GLIS1: variants seen among roughly 807,000 people sequenced by gnomAD.
GLIS1 encodes zinc finger protein GLIS1.
In GLIS1, 24 loss-of-function variants were observed where a neutral mutation model predicts 63.8. That is an observed-to-expected ratio of 0.38 (90% CI 0.27 to 0.53). GLIS1 has a LOEUF of 0.53. GLIS1 is among the 20% of genes least tolerant of loss of function. The probability of loss-of-function intolerance (pLI) is 0.85; values close to 1 mark genes in which losing one functional copy is unlikely to be tolerated. For missense variants in GLIS1, 1,036 were observed against 1,074.1 expected (o/e 0.96, Z 0.50); for synonymous variants, 450 against 482.5 (o/e 0.93, Z 0.88).
At chr1:53,657,341 G>T (rs965757983) in intron 2 of GLIS1, among the ~76,000 whole-genome samples, 2 of 152,220 alleles carry the variant, frequency 1.3e-5, no homozygotes, top group African/African-American at 2.4e-5. Flanking sequence ...CAAGTCTTCA[G>T]AGGACTCAGA....
At chr1:53,580,453 G>A (rs1645073829) in intron 4 of GLIS1, among the ~76,000 whole-genome samples, 1 of 152,166 alleles carries the variant, frequency 6.6e-6, no homozygotes, top group South Asian at 2.1e-4. Flanking sequence ...GGAGAGATAT[G>A]CTCCAAATCC....
intron 4 of GLIS1, among the ~76,000 whole-genome samples, chr1:53,552,951 G>A (rs554636513): frequency 6.6e-6 from 1 of 152,358 alleles, no homozygotes; most frequent in African/African-American, 2.4e-5. Context: ...CCAATGAGGA[G>A]ATGGAGTTAG....
intron 2 of GLIS1, among the ~76,000 whole-genome samples, chr1:53,691,076 C>G (rs889705990): frequency 2.0e-5 from 3 of 152,164 alleles, no homozygotes; most frequent in African/African-American, 7.2e-5. Context: ...AAGGGAGAGA[C>G]CAGGCGCCGT....
intron 4 of GLIS1, among the ~76,000 whole-genome samples, chr1:53,584,297 C>T (rs905931496): frequency 6.6e-6 from 1 of 152,180 alleles, no homozygotes; most frequent in Non-Finnish European, 1.5e-5. Flanking sequence ...GCCCTCAGCC[C>T]CCATGCAGGT....
intron 4 of GLIS1, among the ~76,000 whole-genome samples, chr1:53,568,163 CACCCTTT>C (rs1644952870): frequency 6.6e-6 from 1 of 152,228 alleles, no homozygotes; most frequent in Non-Finnish European, 1.5e-5. Context: ...CTTGAGAGCC[CACCCTTT>C]ACATCAGCAT....
At chr1:53,635,541 A>G (rs1009847620) in intron 2 of GLIS1, among the ~76,000 whole-genome samples, 1 of 150,468 alleles carries the variant, frequency 6.6e-6, no homozygotes, top group Non-Finnish European at 1.5e-5. Flanking sequence ...ATCCACCACA[A>G]GATGTTAAAA....
In GLIS1 at chr1:53,526,034, G is replaced by T. The variant is rs1002891102; in HGVS notation, c.1483-1147C>A. On this transcript the variant is annotated intron_variant, in intron 5 of 10. Transcript: ENST00000628545. The surrounding 1 kb of genome is among the most constrained non-coding windows in gnomAD (Gnocchi z 4.4). ...CACAGGACCCTGCTTGAGGACTCTGGCCGCTGCTGGGGCTTGAAGCTTACA... is the reference window on the plus strand; with the variant it reads ...CACAGGACCCTGCTTGAGGACTCTGTCCGCTGCTGGGGCTTGAAGCTTACA... 6.6e-6 allele frequency among the ~76,000 whole-genome samples: 1 copy of T among 152,182 alleles called. No individual in the cohort carries two copies. Among genetic ancestry groups the T allele is most frequent in the Non-Finnish European group, 1.5e-5 (1 of 68,026 alleles).
At chr1:53,555,512 A>G (rs907077788) in intron 4 of GLIS1, among the ~76,000 whole-genome samples, 3 of 152,200 alleles carry the variant, frequency 2.0e-5, no homozygotes, top group African/African-American at 7.2e-5. Flanking sequence ...CCTGGGAGAT[A>G]GAGTGAGACT....
intron 4 of GLIS1, among the ~76,000 whole-genome samples, chr1:53,565,083 T>C (rs1157733855): frequency 6.6e-6 from 1 of 151,898 alleles, no homozygotes; most frequent in African/African-American, 2.4e-5. Context: ...TAGAAGTCAA[T>C]CACATAAAGG....
At chr1:53,733,443 G>A (rs190957138) in intron 2 of GLIS1, among the ~76,000 whole-genome samples, 4 of 152,228 alleles carry the variant, frequency 2.6e-5, no homozygotes, top group East Asian at 1.9e-4. Flanking sequence ...AGCTAAGCAC[G>A]CTACAGGTAA....
At chr1:53,716,003 G>A (rs1646694830) in intron 2 of GLIS1, among the ~76,000 whole-genome samples, 1 of 152,212 alleles carries the variant, frequency 6.6e-6, no homozygotes, top group Non-Finnish European at 1.5e-5. Context: ...GAGGGCGAGA[G>A]TCGCACTGCA....
intron 4 of GLIS1, among the ~76,000 whole-genome samples, chr1:53,549,098 G>A (rs1557444299): frequency 6.6e-6 from 1 of 152,154 alleles, no homozygotes; most frequent in Non-Finnish European, 1.5e-5. Context: ...CATCCATGCT[G>A]TCACATGTGT....
At chr1:53,588,115 C>T (rs2316189) in intron 4 of GLIS1, among the ~76,000 whole-genome samples, 4,306 of 152,270 alleles carry the variant, frequency 0.028, 218 homozygotes, top group African/African-American at 0.1. Flanking sequence ...AATCGCCCAA[C>T]AAGCGTCTCA....
intron 2 of GLIS1, among the ~76,000 whole-genome samples, chr1:53,670,493 C>G (rs150748576): frequency 5.3e-4 from 81 of 152,316 alleles, no homozygotes; most frequent in African/African-American, 1.8e-3. Flanking sequence ...TCCCAGTACA[C>G]AGGAGGTGCT....
intron 4 of GLIS1, among the ~76,000 whole-genome samples, chr1:53,556,465 G>T (rs1461993646): frequency 2.9e-5 from 4 of 139,572 alleles, no homozygotes; most frequent in African/African-American, 1.1e-4. Context: ...CAGGTGTACT[G>T]CAGGTGTGTG....
intron 2 of GLIS1, among the ~76,000 whole-genome samples, chr1:53,637,396 G>A (rs375055514): frequency 1.4e-4 from 22 of 152,210 alleles, no homozygotes; most frequent in African/African-American, 4.8e-4. Flanking sequence ...AGGGTGACAC[G>A]ATGTGAGTGC....
intron 2 of GLIS1, among the ~76,000 whole-genome samples, chr1:53,633,132 T>A (rs185208318): frequency 2.1e-5 from 3 of 142,144 alleles, no homozygotes; most frequent in African/African-American, 8.0e-5. Context: ...GGGGCATGTA[T>A]ATGTGTGACT....
At chr1:53,566,323 T>A (rs150596339) in intron 4 of GLIS1, among the ~76,000 whole-genome samples, 14 of 152,202 alleles carry the variant, frequency 9.2e-5, no homozygotes, top group African/African-American at 3.4e-4. Flanking sequence ...CATAAAAGTA[T>A]ATGTAGAAAA....
chr1:53,512,752 T>C (rs1398795067), intron 8 of GLIS1, among the ~76,000 whole-genome samples: 1 of 152,142 alleles, frequency 6.6e-6, no homozygotes, highest in African/African-American at 2.4e-5. Flanking sequence ...GACGGGCACT[T>C]ATGCAGGCGG....
Sources: allele counts gnomAD v4.1 joint callset (sites outside exome capture counted in the v4.1 genomes callset), GRCh38; gene constraint gnomAD v4.1.1; non-coding constraint Gnocchi (gnomAD v3.1); transcripts MANE v1.5; gene names NCBI Gene and HGNC (gene_info 2026-07-23, HGNC 2026-07-21).